WWC2: variants seen among roughly 807,000 people sequenced by gnomAD.
WWC2 encodes the protein WW and C2 domain containing 2, also known as protein WWC2.
In WWC2, 101 loss-of-function variants were observed where a neutral mutation model predicts 138.5. That is an observed-to-expected ratio of 0.73 (90% CI 0.62 to 0.86). The LOEUF is 0.86. WWC2 is among the 40% of genes least tolerant of loss of function. WWC2 has a pLI of 0.00. For missense variants in WWC2, 1,420 were observed against 1,419.4 expected, an observed-to-expected ratio of 1.00 and a Z score of -0.01; for synonymous variants, 558 against 538.4, an observed-to-expected ratio of 1.04 and a Z score of -0.50.
intron 2 of WWC2, among the ~76,000 whole-genome samples, chr4:183,196,030 CTGTT>C (rs775502646): frequency 6.6e-6 from 1 of 152,096 alleles, no homozygotes; most frequent in Non-Finnish European, 1.5e-5. Context: ...CGAGATCTGT[CTGTT>C]TGAAGGTGTG....
intron 4 of WWC2, among the ~76,000 whole-genome samples, chr4:183,211,122 C>G (rs1287834819): frequency 2.0e-5 from 3 of 152,124 alleles, no homozygotes. Flanking sequence ...AATTTTCAAA[C>G]AATTGGAGAT....
intron 1 of WWC2, among the ~76,000 whole-genome samples, chr4:183,137,173 CTACAT>C (rs146599105): frequency 9.4e-4 from 143 of 152,194 alleles, no homozygotes; most frequent in African/African-American, 2.7e-3. Context: ...CACACTTAGG[CTACAT>C]TACATTACAT....
chr4:183,236,684 G>C (rs1184703134), intron 4 of WWC2, among the ~76,000 whole-genome samples: 1 of 152,162 alleles, frequency 6.6e-6, no homozygotes, highest in East Asian at 1.9e-4. Context: ...TATTTAGTTT[G>C]CTTTAACAAT....
intron 2 of WWC2, among the ~76,000 whole-genome samples, chr4:183,206,999 A>G (rs903683600): frequency 1.3e-5 from 2 of 152,186 alleles, no homozygotes; most frequent in Admixed American, 6.5e-5. Context: ...ACTGAGCATA[A>G]GCTGCCATGG....
rs745915925 is a variant in WWC2 at position 183,284,317 on chromosome 4, C to T, written c.2975C>T (p.Pro992Leu). ...AGCAGCCTGAGCTCTAGACAGCATCCGTTTGTGAGGAGCAGTGTGATAGTG... is the reference window on the plus strand; with the variant it reads ...AGCAGCCTGAGCTCTAGACAGCATCTGTTTGTGAGGAGCAGTGTGATAGTG... ...ERSSLSSRQH[P>L]FVRSSVIVRS... Residue 992 changes from proline (P) to leucine (L), a missense_variant, in exon 19 of 23, where the codon CCG (proline) becomes CTG (leucine). Coordinates refer to ENST00000403733, the MANE Select transcript of WWC2 (RefSeq NM_024949.6). 7.4e-6 allele frequency: 12 copies of T among 1,613,976 alleles called. No individual in the cohort carries two copies. In the South Asian group the frequency reaches 9.9e-5, roughly 13 times the overall value.
intron 8 of WWC2, among the ~76,000 whole-genome samples, chr4:183,252,560 G>C (rs568978456): frequency 6.6e-6 from 1 of 152,150 alleles, no homozygotes; most frequent in Non-Finnish European, 1.5e-5. Flanking sequence ...TTTGCCTTTG[G>C]TGCATTTTCC....
At chr4:183,155,052 G>A (rs75818457) in intron 1 of WWC2, among the ~76,000 whole-genome samples, 14,687 of 152,220 alleles carry the variant, frequency 0.096, 968 homozygotes, top group East Asian at 0.22. Context: ...AACAATGAGA[G>A]GAAGGAGGGA....
chr4:183,180,823 C>T (rs1194318941), intron 1 of WWC2, among the ~76,000 whole-genome samples: 1 of 44,304 alleles, frequency 2.3e-5, no homozygotes, highest in Non-Finnish European at 4.3e-5. Context: ...CTGCCTGGGG[C>T]GGGGGCGGGG....
chr4:183,256,804 G>C (rs1737156345), intron 9 of WWC2, among the ~76,000 whole-genome samples: 1 of 149,472 alleles, frequency 6.7e-6, no homozygotes, highest in Admixed American at 6.7e-5. Context: ...CCTCTGGCAA[G>C]ATTCCGAGTC....
intron 1 of WWC2, among the ~76,000 whole-genome samples, chr4:183,109,852 T>C (rs1400175714): frequency 6.7e-6 from 1 of 149,354 alleles, no homozygotes; most frequent in Non-Finnish European, 1.5e-5. Context: ...CTCATGTTAC[T>C]TTTTTTTTTG....
At chr4:183,151,914 C>A (rs1030099574) in intron 1 of WWC2, among the ~76,000 whole-genome samples, 6 of 152,100 alleles carry the variant, frequency 3.9e-5, no homozygotes, top group Non-Finnish European at 7.3e-5. Context: ...TGTCTTGGTA[C>A]CAGTACCATG....
At chr4:183,303,669 G>A (rs1174253777) in intron 21 of WWC2, among the ~76,000 whole-genome samples, 1 of 152,100 alleles carries the variant, frequency 6.6e-6, no homozygotes, top group Admixed American at 6.6e-5. Flanking sequence ...AATACTTAAT[G>A]ATAAATAAAC....
rs116448446 is a variant in WWC2, at chr4:183,259,606, T to C, written c.1197-33T>C. On this transcript the variant is annotated intron_variant, in intron 9 of 22. Transcript: ENST00000403733. ...TCCTTTTAGTTTTCATATTTTGTTA[T>C]AATCATTTGAAAATAATTTTTTTTC... 9.2e-5 allele frequency: 129 copies of C among 1,397,312 alleles called. No homozygotes were observed. In the African/African-American group the frequency reaches 1.8e-3, roughly 19 times the overall value. The allele number at this position is 1,397,312 out of a possible 1,614,324, so 86.6% of individuals were successfully genotyped here. A position where few individuals can be genotyped will look rare whatever the true frequency, so the allele number is the denominator to read the frequency against.
At chr4:183,224,976 T>A (rs968632910) in intron 4 of WWC2, among the ~76,000 whole-genome samples, 1 of 152,234 alleles carries the variant, frequency 6.6e-6, no homozygotes, top group Admixed American at 6.5e-5. Context: ...TATCTTGTGA[T>A]AATGGAACCT....
intron 17 of WWC2, chr4:183,281,466 T>C (rs1052284046): frequency 6.6e-6 from 1 of 152,662 alleles, no homozygotes; most frequent in Admixed American, 6.5e-5. Flanking sequence ...TGGATTGTAC[T>C]GTTTCTCTTA....
intron 1 of WWC2, among the ~76,000 whole-genome samples, chr4:183,132,039 A>T (rs935607343): frequency 6.6e-6 from 1 of 151,968 alleles, no homozygotes; most frequent in East Asian, 1.9e-4. Context: ...CAGTTCCTTT[A>T]GTTCTTTTAT....
intron 1 of WWC2, among the ~76,000 whole-genome samples, chr4:183,156,699 G>A (rs1733815758): frequency 6.6e-6 from 1 of 152,086 alleles, no homozygotes; most frequent in African/African-American, 2.4e-5. Flanking sequence ...AATGAATTAA[G>A]GACTTGATCA....
chr4:183,304,877 G>A (rs891752712), intron 21 of WWC2, among the ~76,000 whole-genome samples: 3 of 152,056 alleles, frequency 2.0e-5, no homozygotes, highest in South Asian at 2.1e-4. Flanking sequence ...CTACTAACAG[G>A]CAAAAAACAG....
intron 2 of WWC2, among the ~76,000 whole-genome samples, chr4:183,202,064 G>A (rs1258614943): frequency 6.6e-6 from 1 of 152,150 alleles, no homozygotes; most frequent in East Asian, 1.9e-4. Flanking sequence ...CCTGTATTGT[G>A]GTTTCCTGGG....
Sources: allele counts gnomAD v4.1 joint callset (sites outside exome capture counted in the v4.1 genomes callset), GRCh38; gene constraint gnomAD v4.1.1; transcripts MANE v1.5; gene names NCBI Gene and HGNC (gene_info 2026-07-23, HGNC 2026-07-21).